The following CACNG4 variants were observed in gnomAD, a reference collection of about 807,000 sequenced individuals.
CACNG4 encodes the protein voltage-dependent calcium channel gamma-4 subunit.
CACNG4 carries 8 observed loss-of-function variants against 22.9 expected under a neutral mutation model. That is an observed-to-expected ratio of 0.35 (90% CI 0.21 to 0.63). The LOEUF (loss-of-function observed/expected upper bound fraction) is 0.63. CACNG4 is among the 30% of genes least tolerant of loss of function. CACNG4 has a pLI of 0.72. For missense variants in CACNG4, 357 were observed against 455.4 expected (o/e 0.78, Z 1.97); for synonymous variants, 188 against 191.9 (o/e 0.98, Z 0.17).
intron 1 of CACNG4, among the ~76,000 whole-genome samples, chr17:66,978,733 C>G (rs2035253283): frequency 6.6e-6 from 1 of 152,272 alleles, no homozygotes; most frequent in Non-Finnish European, 1.5e-5. Context: ...TGCCTCGCAT[C>G]TGAGCCTTCG....
At chr17:66,995,269 A>C (rs1003183560) in intron 1 of CACNG4, among the ~76,000 whole-genome samples, 3 of 152,126 alleles carry the variant, frequency 2.0e-5, no homozygotes, top group Non-Finnish European at 4.4e-5. Flanking sequence ...TGGAGAACTG[A>C]AGGATGTGCT....
At chr17:66,988,262 A>G (rs892621222) in intron 1 of CACNG4, among the ~76,000 whole-genome samples, 1 of 152,066 alleles carries the variant, frequency 6.6e-6, no homozygotes, top group Non-Finnish European at 1.5e-5. Context: ...GCTGGAGCAC[A>G]CGCATCAAGG....
chr17:67,012,333 C>G (rs774695779), intron 1 of CACNG4, among the ~76,000 whole-genome samples: 3 of 152,192 alleles, frequency 2.0e-5, no homozygotes, highest in Non-Finnish European at 4.4e-5. Flanking sequence ...TTCAAAGGAG[C>G]ATTATTGCAG....
chr17:67,016,686 C>T lies in CACNG4; in HGVS notation c.221-1503C>T, dbSNP rs1034460626. The stretch of plus-strand genomic sequence containing the variant: ...TTGGTGTCAAGATGAGCTTGTGGCT[C>T]CCAGGCTGCAGGAGCAGGGGGGCTG... On this transcript the variant is annotated intron_variant, in intron 1 of 3. Coordinates refer to ENST00000262138, the MANE Select transcript of CACNG4 (RefSeq NM_014405.4). Among the ~76,000 whole-genome samples, 32 of 152,140 alleles carry T rather than the reference C, an allele frequency of 2.1e-4. 1 individual carries two copies. The highest frequency in any genetic ancestry group is 2.8e-4 in the Non-Finnish European group (19 of 68,036).
Position 67,032,127 on chromosome 17 carries a change from T to C in CACNG4, c.*1123T>C, listed in dbSNP as rs1355869675. Reference sequence around the variant, plus strand: ...CCACAACTCCTGTCATTGTAAGTTATTCTGCCACCACCTAACAGGACGGAG... The same window carrying C: ...CCACAACTCCTGTCATTGTAAGTTACTCTGCCACCACCTAACAGGACGGAG... On this transcript the variant is annotated 3_prime_UTR_variant, in exon 4 of 4. Coordinates refer to ENST00000262138, the MANE Select transcript of CACNG4 (RefSeq NM_014405.4). The C allele has an allele frequency of 2.5e-6, 1 of 393,616 alleles. No individual in the cohort carries two copies. The highest frequency in any genetic ancestry group is 7.1e-5 in the East Asian group (1 of 14,072). The allele number at this position is 393,616 out of a possible 1,614,324, so 24.4% of individuals were successfully genotyped here. A position where few individuals can be genotyped will look rare whatever the true frequency, so the allele number is the denominator to read the frequency against.
intron 1 of CACNG4, among the ~76,000 whole-genome samples, chr17:66,987,346 C>T (rs141542659): frequency 6.6e-6 from 1 of 152,190 alleles, no homozygotes; most frequent in East Asian, 1.9e-4. Context: ...ACATATCACC[C>T]TTATCCTCTA....
Position 66,989,820 on chromosome 17 carries a change from GT to G in CACNG4, c.220+24691del, listed in dbSNP as rs1317232453. Among the ~76,000 whole-genome samples the G allele has an allele frequency of 1.3e-5, 2 of 151,296 alleles. 1 individual carries two copies. Among genetic ancestry groups the G allele is most frequent in the Non-Finnish European group, 2.9e-5 (2 of 67,986 alleles). ...CCACCAACCTCCCAATGTGGGTACT[GT>G]TCCTTTCCTGATTGACAGTGGAGGA... On this transcript the variant is annotated intron_variant, in intron 1 of 3. Transcript: ENST00000262138.
At chr17:66,992,937 T>C (rs746451546) in intron 1 of CACNG4, among the ~76,000 whole-genome samples, 1 of 152,278 alleles carries the variant, frequency 6.6e-6, no homozygotes, top group Admixed American at 6.5e-5. Context: ...ATCACCCAAG[T>C]GGGACTTCTC....
chr17:66,973,030 G>A (rs912963971), intron 1 of CACNG4, among the ~76,000 whole-genome samples: 1 of 152,132 alleles, frequency 6.6e-6, no homozygotes, highest in Non-Finnish European at 1.5e-5. Context: ...TGGATCACCT[G>A]AGGTCAGGAG....
chr17:67,011,578 C>G lies in CACNG4; in HGVS notation c.221-6611C>G, dbSNP rs971086480. Reference sequence around the variant, plus strand: ...GACTCCGTCTTACTCAGACTGGCAGCCCCAGCACTTAGAACATTGCTATGG... The same window carrying G: ...GACTCCGTCTTACTCAGACTGGCAGGCCCAGCACTTAGAACATTGCTATGG... On this transcript the variant is annotated intron_variant, in intron 1 of 3. Coordinates refer to ENST00000262138, the MANE Select transcript of CACNG4 (RefSeq NM_014405.4). Among the ~76,000 whole-genome samples, 5 of 152,138 alleles carry G rather than the reference C, an allele frequency of 3.3e-5. No individual in the cohort carries two copies. The East Asian group carries it at 5.8e-4, about 18-fold the overall frequency.
At chr17:67,026,526 CTGTGGGGTGTGTAT>C (rs2035567921) in intron 3 of CACNG4, among the ~76,000 whole-genome samples, 3 of 106,152 alleles carry the variant, frequency 2.8e-5, no homozygotes, top group African/African-American at 1.5e-4. Flanking sequence ...TATTTGAGGA[CTGTGGGGTGTGTAT>C]GTATTTGAGG....
At chr17:67,006,315 C>T (rs902817336) in intron 1 of CACNG4, among the ~76,000 whole-genome samples, 42 of 152,282 alleles carry the variant, frequency 2.8e-4, no homozygotes, top group East Asian at 9.7e-4. Context: ...TCTAGAGCTC[C>T]GGGCATGAGC....
At chr17:67,023,168 G>A (rs2035542081) in intron 2 of CACNG4, among the ~76,000 whole-genome samples, 1 of 151,212 alleles carries the variant, frequency 6.6e-6, no homozygotes. Flanking sequence ...TTCTCCTAAG[G>A]TTCTTATAAG....
chr17:66,971,219 G>A (rs1389566520), intron 1 of CACNG4, among the ~76,000 whole-genome samples: 3 of 152,178 alleles, frequency 2.0e-5, no homozygotes, highest in Non-Finnish European at 4.4e-5. Context: ...CTCATGGAGG[G>A]TCCTTGCTGG....
intron 1 of CACNG4, among the ~76,000 whole-genome samples, chr17:66,980,372 A>G (rs1055640829): frequency 1.3e-5 from 2 of 152,182 alleles, no homozygotes; most frequent in African/African-American, 4.8e-5. Flanking sequence ...ACTTAATCGG[A>G]AAGCTGTGTC....
chr17:67,007,588 G>C (rs1369031353), intron 1 of CACNG4, among the ~76,000 whole-genome samples: 3 of 151,978 alleles, frequency 2.0e-5, no homozygotes, highest in African/African-American at 7.3e-5. Flanking sequence ...TCTGCAGCCT[G>C]GGCCAGGCTT....
At chr17:66,993,333 G>A (rs2035353813) in intron 1 of CACNG4, among the ~76,000 whole-genome samples, 1 of 152,222 alleles carries the variant, frequency 6.6e-6, no homozygotes, top group South Asian at 2.1e-4. Flanking sequence ...CCACTGGCTC[G>A]CAGGGCTGTG....
At chr17:67,016,107 C>T (rs892966932) in intron 1 of CACNG4, among the ~76,000 whole-genome samples, 1 of 152,160 alleles carries the variant, frequency 6.6e-6, no homozygotes, top group Admixed American at 6.5e-5. Context: ...CCAACAGCAG[C>T]AACCCCCCAA....
chr17:67,006,262 G>T (rs1446985897), intron 1 of CACNG4, among the ~76,000 whole-genome samples: 1 of 152,204 alleles, frequency 6.6e-6, no homozygotes, highest in Non-Finnish European at 1.5e-5. Context: ...GATGATAGCA[G>T]CCAGGCTGGG....
Sources: gnomAD v4.1 joint callset for allele counts (sites outside exome capture counted in the v4.1 genomes callset) on GRCh38, gnomAD v4.1.1 for gene constraint, MANE v1.5 for transcripts, NCBI Gene and HGNC (gene_info 2026-07-23, HGNC 2026-07-21) for gene names.